Variants in CPLANE1 observed in about 807,000 individuals in gnomAD.
CPLANE1 encodes the protein ciliogenesis and planar polarity effector complex subunit 1.
Under a neutral mutation model 362.5 loss-of-function variants are expected in CPLANE1, and 263 were observed. The ratio of observed to expected loss-of-function variants is 0.73; its 90% confidence interval spans 0.66 to 0.80. CPLANE1 has a LOEUF of 0.80. Ranked by LOEUF, CPLANE1 falls within the 30% of genes least tolerant of loss-of-function variation. The pLI is 0.00. For missense variants in CPLANE1, 3,461 were observed against 3,793.4 expected, an observed-to-expected ratio of 0.91 and a Z score of 2.30; for synonymous variants, 1,212 against 1,302.6, an observed-to-expected ratio of 0.93 and a Z score of 1.50.
In CPLANE1 at chr5:37,201,804, G is replaced by T; in HGVS notation, c.3294C>A (p.Pro1098=). Reference sequence around the variant, plus strand: ...GCAGATTTGCATCTTCCTCTTCAATGGGATCTATCAAATACAAAAATTTGG... The same window carrying T: ...GCAGATTTGCATCTTCCTCTTCAATTGGATCTATCAAATACAAAAATTTGG... The part of the protein sequence containing the change: ...MGSKYKQFTD[P]IEEEDANLLF... Residue 1098 remains proline, a synonymous_variant, in exon 19 of 53, where the codon CCC becomes CCA. Coordinates refer to ENST00000651892, the MANE Select transcript of CPLANE1 (RefSeq NM_001384732.1). The T allele has an allele frequency of 1.2e-6, 2 of 1,606,244 alleles. No individual in the cohort carries two copies. Among genetic ancestry groups the T allele is most frequent in the South Asian group, 2.2e-5 (2 of 90,272 alleles).
chr5:37,196,683 T>C (rs1787565814), intron 20 of CPLANE1, among the ~76,000 whole-genome samples: 1 of 152,070 alleles, frequency 6.6e-6, no homozygotes, highest in African/African-American at 2.4e-5. Context: ...CCCAGCACTT[T>C]AGGGAGGCCG....
Position 37,121,784 on chromosome 5 carries a change from T to C in CPLANE1, c.9018A>G (p.Arg3006=). 1.2e-6 allele frequency: 2 copies of C among 1,612,252 alleles called. No individual in the cohort carries two copies. The highest frequency in any genetic ancestry group is 1.7e-6 in the Non-Finnish European group (2 of 1,178,448). The change falls in exon 49 of 53, where the codon AGA becomes AGG. Residue 3006 remains arginine (R), a splice_region_variant and synonymous_variant. Coordinates refer to ENST00000651892, the MANE Select transcript of CPLANE1 (RefSeq NM_001384732.1). ...GACTATAGTGTTCAGAGAGCAGCAA[T>C]CTGTAGACAAAGAATTAAGCATCAT... The part of the protein sequence containing the change: ...LRQKMKHEKD[R]LLLSEHYSRR...
intron 20 of CPLANE1, 59 bp from the exon 21 acceptor site, chr5:37,196,055 G>T (rs1290533065): frequency 1.2e-5 from 17 of 1,397,360 alleles, no homozygotes; most frequent in Non-Finnish European, 1.6e-5. Context: ...ACTTTTAAAA[G>T]AAACTATAAA....
intron 23 of CPLANE1, among the ~76,000 whole-genome samples, chr5:37,187,060 C>CAAAAAAAAAAAAAAAAAAAAAA (rs61112118): frequency 1.2e-4 from 6 of 50,404 alleles, no homozygotes; most frequent in African/African-American, 5.5e-4. Flanking sequence ...GACTCCGTCT[C>CAAAAAAAAAAAAAAAAAAAAAA]AAAAAAAAAA....
At chr5:37,248,075 C>A (rs913181877) in intron 1 of CPLANE1, among the ~76,000 whole-genome samples, 2 of 151,934 alleles carry the variant, frequency 1.3e-5, no homozygotes, top group African/African-American at 4.8e-5. Context: ...CAGGCACGAT[C>A]CACTGCGCAT....
chr5:37,238,826 A>G, intron 8 of CPLANE1, 31 bp downstream of exon 8: 1 of 1,305,102 alleles, frequency 7.7e-7, no homozygotes, highest in Non-Finnish European at 1.0e-6. Flanking sequence ...AAAGAAAAAA[A>G]GAAAAAAAAG....
At chr5:37,160,383 T>A (rs1462502682) in intron 38 of CPLANE1, among the ~76,000 whole-genome samples, 4 of 152,002 alleles carry the variant, frequency 2.6e-5, no homozygotes, top group Non-Finnish European at 4.4e-5. Flanking sequence ...GGTGAAACCC[T>A]GTCTGTACTA....
At chr5:37,092,498 A>T in the CPLANE1 span, among the ~76,000 whole-genome samples, 1 of 152,246 alleles carries the variant, frequency 6.6e-6, no homozygotes, top group Non-Finnish European at 1.5e-5. Flanking sequence ...GAGGTCTGTC[A>T]CAGGGGACAA....
Position 37,245,565 on chromosome 5 carries a change from T to C in CPLANE1, c.251A>G (p.Glu84Gly), listed in dbSNP as rs1486702562. ...TTGATCTTTGTTCCAAAGGAAAAGCTCTCCTGTAGTTAGTACCCCAGCCAG... is the reference window on the plus strand; with the variant it reads ...TTGATCTTTGTTCCAAAGGAAAAGCCCTCCTGTAGTTAGTACCCCAGCCAG... ...AWLAGVLTTG[E>G]LFLWNKDQDC... Residue 84 changes from glutamate (E) to glycine (G), a missense_variant, in exon 4 of 53, where the codon GAG becomes GGG. This residue lies in a region of CPLANE1 where 3,380 missense variants were observed against 3,666.1 expected (regional missense o/e 0.92). Transcript: ENST00000651892. 3.9e-6 allele frequency: 6 copies of C among 1,520,616 alleles called. No individual in the cohort carries two copies. The highest frequency in any genetic ancestry group is 5.3e-6 in the Non-Finnish European group (6 of 1,132,662). 94.2% of individuals were successfully genotyped at this position (1,520,616 alleles called of 1,614,324 possible). A position where few individuals can be genotyped will look rare whatever the true frequency, so the allele number is the denominator to read the frequency against.
At position 37,244,559 on chromosome 5, in the gene CPLANE1, A is replaced by G. The variant is rs878984396; in HGVS notation, c.386T>C (p.Ile129Thr). 6.4e-7 allele frequency: 1 copy of G among 1,551,626 alleles called. No homozygotes were observed. The highest frequency in any genetic ancestry group is 8.7e-7 in the Non-Finnish European group (1 of 1,146,954). The stretch of plus-strand genomic sequence containing the variant: ...GCATCCAGAAGGTGTTATGAGCACA[A>G]TTCTTTTCCCATTTCCAGATACATA... Reference protein sequence around the residue: ...YLYVSGNGKRIVLITPSGCIF... With the variant: ...YLYVSGNGKRTVLITPSGCIF... Residue 129 changes from isoleucine (I) to threonine (T), a missense_variant, in exon 5 of 53, where the codon ATT (isoleucine) becomes ACT (threonine). Ile to Thr is a moderately conservative substitution (Grantham distance 89, BLOSUM62 -1). This residue lies in a region of CPLANE1 where 3,380 missense variants were observed against 3,666.1 expected (regional missense o/e 0.92). Transcript: ENST00000651892.
chr5:37,158,649 T>C (rs1411055287), intron 38 of CPLANE1, among the ~76,000 whole-genome samples: 1 of 152,210 alleles, frequency 6.6e-6, no homozygotes, highest in Non-Finnish European at 1.5e-5. Context: ...TCAGATATAG[T>C]AAGTCATGCT....
rs1300495867 is a variant in CPLANE1 at position 37,244,615 on chromosome 5, A to T, written c.338-8T>A. On this transcript the variant is annotated splice_polypyrimidine_tract_variant and splice_region_variant and intron_variant, in intron 4 of 52. Coordinates refer to ENST00000651892, the MANE Select transcript of CPLANE1 (RefSeq NM_001384732.1). ...ACAGTCTCAAAGAGCTTGCTAAAAA[A>T]GTAACAAAAAAAGTAATTAAGCCTC... is the stretch of plus-strand genomic sequence containing the variant. 6.6e-7 allele frequency: 1 copy of T among 1,513,036 alleles called. No individual in the cohort carries two copies. The allele number at this position is 1,513,036 out of a possible 1,614,324, so 93.7% of individuals were successfully genotyped here. A position where few individuals can be genotyped will look rare whatever the true frequency, so the allele number is the denominator to read the frequency against.
Position 37,175,927 on chromosome 5 carries a change from G to A in CPLANE1, c.5960C>T (p.Thr1987Met), listed in dbSNP as rs141126113. Residue 1987 changes from threonine (T) to methionine (M), a missense_variant, in exon 31 of 53, where the codon ACG (threonine) becomes ATG (methionine). Coordinates refer to ENST00000651892, the MANE Select transcript of CPLANE1 (RefSeq NM_001384732.1). ...HTTPQSMQVD[T>M]SSEISSAQIS... The stretch of plus-strand genomic sequence containing the variant: ...TTCTTACCTAGAAATTTCTGAACTC[G>A]TATCTACTTGCATTGATTGAGGAGT... The A allele has an allele frequency of 1.7e-5, 28 of 1,612,440 alleles. No homozygotes were observed. The highest frequency in any genetic ancestry group is 1.2e-4 in the African/African-American group (9 of 74,858).
chr5:37,168,935 GTA>G lies in CPLANE1; in HGVS notation c.7087_7088del (p.Tyr2363ProfsTer4). 4 of 1,614,168 alleles carry G rather than the reference GTA, an allele frequency of 2.5e-6. No homozygotes were observed. Among genetic ancestry groups the G allele is most frequent in the Non-Finnish European group, 3.4e-6 (4 of 1,180,024 alleles). On this transcript the variant is annotated frameshift_variant, in exon 34 of 53. Coordinates refer to ENST00000651892, the MANE Select transcript of CPLANE1 (RefSeq NM_001384732.1). LOFTEE classifies it high-confidence loss of function. ...PHHSFGLPLL[Y>X]LPLKPPNMFP... The stretch of plus-strand genomic sequence containing the variant: ...ACATATTAGGAGGTTTAAGTGGCAG[GTA>G]TAGTAACGGAAGTCCAAAGGAATGG...
At position 37,107,592 on chromosome 5, in the gene CPLANE1, T is replaced by C; in HGVS notation, c.*10A>G. ...TGGCCTGTGCATGGAAACCCAATGA[T>C]ATCCAGGTCTTACAGGTCCAGGGCC... On this transcript the variant is annotated 3_prime_UTR_variant, in exon 53 of 53. Coordinates refer to ENST00000651892, the MANE Select transcript of CPLANE1 (RefSeq NM_001384732.1). The C allele has an allele frequency of 6.3e-7, 1 of 1,599,062 alleles. No individual in the cohort carries two copies.
At chr5:37,105,086 G>A (rs1757492234), downstream of CPLANE1, among the ~76,000 whole-genome samples, 1 of 152,132 alleles carries the variant, frequency 6.6e-6, no homozygotes, top group Non-Finnish European at 1.5e-5. Context: ...AGGATCACTG[G>A]AGCTCAGGAG....
At chr5:37,078,336 G>A in the CPLANE1 span, among the ~76,000 whole-genome samples, 1 of 152,158 alleles carries the variant, frequency 6.6e-6, no homozygotes, top group Non-Finnish European at 1.5e-5. Flanking sequence ...TAAGGATAAC[G>A]GCCTCCAGCT....
At chr5:37,138,571 G>A in intron 46 of CPLANE1, 149 bp downstream of exon 46, 1 of 835,936 alleles carries the variant, frequency 1.2e-6, no homozygotes, top group Admixed American at 1.9e-5. Flanking sequence ...AGGGAAGAAT[G>A]ACACATATAC....
Position 37,181,529 on chromosome 5 carries a change from A to G in CPLANE1, c.5422-524T>C, listed in dbSNP as rs192210780. Reference sequence around the variant, plus strand: ...TAACAGAAACCAATCTCAAGGGAAAAAAAGGACTAGTGTGGTGGCTCCCAC... The same window carrying G: ...TAACAGAAACCAATCTCAAGGGAAAGAAAGGACTAGTGTGGTGGCTCCCAC... On this transcript the variant is annotated intron_variant, in intron 26 of 52. Coordinates refer to ENST00000651892, the MANE Select transcript of CPLANE1 (RefSeq NM_001384732.1). Among the ~76,000 whole-genome samples, 546 of 152,318 alleles carry G rather than the reference A, an allele frequency of 3.6e-3. 2 individuals carry two copies. Among genetic ancestry groups the G allele is most frequent in the African/African-American group, 0.012 (514 of 41,554 alleles).
Sources: gnomAD v4.1 joint callset for allele counts (sites outside exome capture counted in the v4.1 genomes callset) on GRCh38, gnomAD v4.1.1 for gene constraint, gnomAD v4.1.1 regional missense constraint, MANE v1.5 for transcripts, NCBI Gene and HGNC (gene_info 2026-07-23, HGNC 2026-07-21) for gene names.